The following DNAH14 variants were observed in gnomAD, a reference collection of about 807,000 sequenced individuals.
DNAH14 encodes dynein axonemal heavy chain 14, also known as axonemal beta dynein heavy chain 14.
DNAH14 carries 478 observed loss-of-function variants against 520.9 expected under a neutral mutation model. That is an observed-to-expected ratio of 0.92 (90% CI 0.85 to 0.99). DNAH14 has a LOEUF of 0.99. Among genes scored for constraint, DNAH14 ranks in the 50% least tolerant of loss-of-function variants. DNAH14 has a pLI of 0.00. For synonymous variants in DNAH14, 1,581 were observed against 1,757.2 expected (o/e 0.90, Z 2.51); for missense variants, 4,831 against 5,234.5 (o/e 0.92, Z 2.38).
Position 225,117,739 on chromosome 1 carries a change from C to T in DNAH14, c.3923C>T (p.Ala1308Val), listed in dbSNP as rs2076976644. 1 of 1,550,584 alleles carries T rather than the reference C, an allele frequency of 6.4e-7. No homozygotes were observed. The highest frequency in any genetic ancestry group is 8.7e-7 in the Non-Finnish European group (1 of 1,146,794). ...IFPRFYFLSN[A>V]ELLDILADSR... ...CCAAGATTTTACTTTCTTAGCAATGCCGAGCTTCTTGATATTCTAGCTGAT... is the reference window on the plus strand; with the variant it reads ...CCAAGATTTTACTTTCTTAGCAATGTCGAGCTTCTTGATATTCTAGCTGAT... Residue 1308 changes from alanine (A) to valine (V), a missense_variant, in exon 24 of 86, where the codon GCC becomes GTC. By Grantham distance (64) the Ala-to-Val change is moderately conservative. Coordinates refer to ENST00000682510, the MANE Select transcript of DNAH14 (RefSeq NM_001367479.1).
At chr1:225,079,090 T>C in intron 17 of DNAH14, 117 bp from the exon 18 acceptor site, 1 of 930,134 alleles carries the variant, frequency 1.1e-6, no homozygotes, top group South Asian at 1.7e-5. Context: ...TAATACATGA[T>C]GTTTTAATTA....
chr1:225,211,314 A>G (rs2088374310), intron 41 of DNAH14, among the ~76,000 whole-genome samples: 3 of 152,170 alleles, frequency 2.0e-5, no homozygotes, highest in South Asian at 4.1e-4. Context: ...AAAATAAATG[A>G]CCTGTTGGAG....
chr1:225,383,539 G>A (rs758965814), intron 81 of DNAH14, among the ~76,000 whole-genome samples: 13 of 152,348 alleles, frequency 8.5e-5, no homozygotes, highest in East Asian at 3.9e-4. Context: ...ATGTGGCTGA[G>A]ACCATTGCTC....
In DNAH14 at chr1:225,008,030, C is replaced by G. The variant is rs2064330240; in HGVS notation, c.1107+486C>G. Among the ~76,000 whole-genome samples the G allele has an allele frequency of 2.0e-5, 3 of 151,654 alleles. No homozygotes were observed. In the South Asian group the frequency reaches 6.3e-4, roughly 32 times the overall value. On this transcript the variant is annotated intron_variant, in intron 10 of 85. Coordinates refer to ENST00000682510, the MANE Select transcript of DNAH14 (RefSeq NM_001367479.1). ...ATGGTGGTTTGCTGCACCCATCAAC[C>G]CATCATTTACATTCGGTATTTCTCC... is the stretch of plus-strand genomic sequence containing the variant.
chr1:224,978,971 G>C lies in DNAH14; in HGVS notation c.830+4818G>C, dbSNP rs950440567. On this transcript the variant is annotated intron_variant, in intron 8 of 85. Transcript: ENST00000682510. ...AAAAGAGGATATTGAATGTTATCAAGTCAAAGAAATGATAAAGGTTTGAGG... is the reference window on the plus strand; with the variant it reads ...AAAAGAGGATATTGAATGTTATCAACTCAAAGAAATGATAAAGGTTTGAGG... Among the ~76,000 whole-genome samples, 7 of 152,232 alleles carry C rather than the reference G, an allele frequency of 4.6e-5. 1 individual carries two copies. The highest frequency in any genetic ancestry group is 4.6e-4 in the Admixed American group (7 of 15,282).
intron 80 of DNAH14, among the ~76,000 whole-genome samples, chr1:225,381,158 G>A (rs1003043100): frequency 2.0e-5 from 3 of 152,182 alleles, no homozygotes; most frequent in African/African-American, 7.2e-5. Context: ...ATAGTAGATA[G>A]TGTGGCCGCA....
intron 21 of DNAH14, among the ~76,000 whole-genome samples, chr1:225,093,190 A>G (rs1325779675): frequency 2.0e-5 from 3 of 152,080 alleles, no homozygotes; most frequent in South Asian, 4.2e-4. Flanking sequence ...GCAGAACACA[A>G]TGAAGAAAAA....
chr1:225,043,775 A>T lies in DNAH14; in HGVS notation c.1800A>T (p.Lys600Asn). The stretch of plus-strand genomic sequence containing the variant: ...AAATTGAGACTGAGTTTGAGAATAA[A>T]TACATGTATTATGAGTAAGTATTAG... ...DTEIETEFEN[K>N]YMYYEFPEFP... The change falls in exon 14 of 86, where the codon AAA (lysine) becomes AAT (asparagine). Residue 600 changes from lysine (K) to asparagine (N), a missense_variant. Lys to Asn is a moderately conservative substitution (Grantham distance 94). Coordinates refer to ENST00000682510, the MANE Select transcript of DNAH14 (RefSeq NM_001367479.1). 1 of 1,469,072 alleles carries T rather than the reference A, an allele frequency of 6.8e-7. No homozygotes were observed. Among genetic ancestry groups the T allele is most frequent in the South Asian group, 1.2e-5 (1 of 81,288 alleles). The allele number at this position is 1,469,072 out of a possible 1,614,324, so 91.0% of individuals were successfully genotyped here. A position where few individuals can be genotyped will look rare whatever the true frequency, so the allele number is the denominator to read the frequency against.
In DNAH14 at chr1:225,382,697, G is replaced by C. The variant is rs147424008; in HGVS notation, c.13077+1118G>C. ...CCATTGCACTCCAGCCTGGGCAACA[G>C]AGGGACACTCTGTCTCAAAAAAAAA... On this transcript the variant is annotated intron_variant, in intron 81 of 85. Coordinates refer to ENST00000682510, the MANE Select transcript of DNAH14 (RefSeq NM_001367479.1). Among the ~76,000 whole-genome samples the C allele has an allele frequency of 3.6e-3, 551 of 151,578 alleles. 3 individuals carry two copies. The highest frequency in any genetic ancestry group is 0.013 in the African/African-American group (522 of 41,270).
chr1:225,181,368 G>A (rs1165525110), intron 36 of DNAH14, among the ~76,000 whole-genome samples: 3 of 152,108 alleles, frequency 2.0e-5, no homozygotes, highest in Non-Finnish European at 4.4e-5. Flanking sequence ...TGGGGCAAAT[G>A]GTAGTTCTAT....
At chr1:225,090,558 A>G (rs969834056) in intron 21 of DNAH14, among the ~76,000 whole-genome samples, 6 of 152,178 alleles carry the variant, frequency 3.9e-5, no homozygotes, top group Non-Finnish European at 7.4e-5. Context: ...GAGTACAGAA[A>G]TAGACCCACA....
At chr1:224,929,984 T>G (rs2058571286) in intron 1 of DNAH14, 149 bp downstream of exon 1, 11 of 348,444 alleles carry the variant, frequency 3.2e-5, no homozygotes, top group Admixed American at 5.2e-5. Flanking sequence ...CGCCTCCGAG[T>G]CCCCGCGCGG....
chr1:224,983,273 G>C (rs1290553332), intron 8 of DNAH14, among the ~76,000 whole-genome samples: 1 of 152,130 alleles, frequency 6.6e-6, no homozygotes, highest in African/African-American at 2.4e-5. Context: ...AGCTACCCCT[G>C]CTTGCTTTTG....
intron 27 of DNAH14, among the ~76,000 whole-genome samples, chr1:225,140,379 T>G (rs1336178133): frequency 6.6e-6 from 1 of 152,178 alleles, no homozygotes; most frequent in Non-Finnish European, 1.5e-5. Context: ...GTCTGTAAAC[T>G]TTCTGAAAAC....
At position 225,338,138 on chromosome 1, in the gene DNAH14, C is replaced by G; in HGVS notation, c.10389C>G (p.Phe3463Leu). Residue 3463 changes from phenylalanine (F) to leucine (L), a missense_variant, in exon 68 of 86, where the codon TTC becomes TTG. Physicochemically the swap from Phe to Leu is conservative, Grantham distance 22. Transcript: ENST00000682510. ...TCTATCAGAAAAAAGGACACTATTT[C>G]ATAAGGGTTGGTGATGCTGAGTTCG... The part of the protein sequence containing the change: ...KDIYQKKGHY[F>L]IRVGDAEFEY... 1.9e-6 allele frequency: 3 copies of G among 1,551,794 alleles called. No individual in the cohort carries two copies. In the South Asian group the frequency reaches 3.6e-5, roughly 18 times the overall value.
At chr1:225,102,971 A>G (rs971251437) in intron 23 of DNAH14, among the ~76,000 whole-genome samples, 6 of 152,162 alleles carry the variant, frequency 3.9e-5, no homozygotes, top group Non-Finnish European at 4.4e-5. Context: ...GGCCATGCCT[A>G]TGTCCTGAAT....
intron 7 of DNAH14, among the ~76,000 whole-genome samples, chr1:224,971,936 G>A (rs1449157677): frequency 2.6e-5 from 4 of 152,140 alleles, no homozygotes; most frequent in Non-Finnish European, 2.9e-5. Flanking sequence ...GGCTAGATAG[G>A]TTTTTGATTC....
At chr1:225,303,379 T>C (rs1248021584) in intron 57 of DNAH14, 32 bp downstream of exon 57, 2 of 1,527,600 alleles carry the variant, frequency 1.3e-6, no homozygotes, top group African/African-American at 2.8e-5. Flanking sequence ...AGGTTTCAGT[T>C]TATTGACAGC....
At chr1:225,019,715 A>G (rs1422361416) in intron 10 of DNAH14, among the ~76,000 whole-genome samples, 3 of 152,170 alleles carry the variant, frequency 2.0e-5, no homozygotes, top group African/African-American at 7.2e-5. Flanking sequence ...CATAACAACC[A>G]CACTGTTGGA....
Sources: allele counts gnomAD v4.1 joint callset (sites outside exome capture counted in the v4.1 genomes callset), GRCh38; gene constraint gnomAD v4.1.1; transcripts MANE v1.5; gene names NCBI Gene and HGNC (gene_info 2026-07-23, HGNC 2026-07-21).